The following NDUFAF2 variants were observed in gnomAD, a reference collection of about 807,000 sequenced individuals.
NDUFAF2 encodes the protein NADH:ubiquinone oxidoreductase complex assembly factor 2, also known as NADH dehydrogenase [ubiquinone] 1 alpha subcomplex assembly factor 2.
NDUFAF2 carries 13 observed loss-of-function variants against 22.8 expected under a neutral mutation model. That is an observed-to-expected ratio of 0.57 (90% CI 0.37 to 0.91). NDUFAF2 has a LOEUF of 0.91. NDUFAF2 is among the 40% of genes least tolerant of loss of function. The probability of loss-of-function intolerance (pLI) is 0.01; values close to 1 mark genes in which losing one functional copy is unlikely to be tolerated. For missense variants in NDUFAF2, 162 were observed against 195.2 expected, an observed-to-expected ratio of 0.83 and a Z score of 1.01; for synonymous variants, 53 against 64.2, an observed-to-expected ratio of 0.83 and a Z score of 0.84.
chr5:61,022,101 A>G (rs1039140291), intron 1 of NDUFAF2, among the ~76,000 whole-genome samples: 1 of 152,194 alleles, frequency 6.6e-6, no homozygotes, highest in Admixed American at 6.5e-5. Context: ...TAAAATGTCA[A>G]CCTCATCTAG....
intron 1 of NDUFAF2, among the ~76,000 whole-genome samples, chr5:61,041,392 T>C (rs1751880574): frequency 6.6e-6 from 1 of 152,170 alleles, no homozygotes; most frequent in Non-Finnish European, 1.5e-5. Context: ...CTATTTGAGG[T>C]GGTTGTAGGT....
At chr5:61,034,386 C>T (rs1171141896) in intron 1 of NDUFAF2, among the ~76,000 whole-genome samples, 1 of 152,096 alleles carries the variant, frequency 6.6e-6, no homozygotes, top group Non-Finnish European at 1.5e-5. Context: ...TAGCCTGTTG[C>T]CCCTGTACAA....
intron 1 of NDUFAF2, among the ~76,000 whole-genome samples, chr5:60,967,709 A>T (rs1418995763): frequency 6.6e-6 from 1 of 151,812 alleles, no homozygotes; most frequent in Non-Finnish European, 1.5e-5. Flanking sequence ...ATCATGGTGA[A>T]TGATCTTTTT....
chr5:60,964,335 A>G (rs1287860773), intron 1 of NDUFAF2, among the ~76,000 whole-genome samples: 1 of 152,062 alleles, frequency 6.6e-6, no homozygotes, highest in Non-Finnish European at 1.5e-5. Context: ...ATGTTTTGAT[A>G]TATGTATATA....
chr5:61,043,057 T>C, intron 1 of NDUFAF2, among the ~76,000 whole-genome samples: 1 of 152,096 alleles, frequency 6.6e-6, no homozygotes. Flanking sequence ...CCGTCTCTAC[T>C]AACAATACAA....
At chr5:61,035,435 T>TG (rs1561547156) in intron 1 of NDUFAF2, among the ~76,000 whole-genome samples, 5 of 146,490 alleles carry the variant, frequency 3.4e-5, no homozygotes, top group Admixed American at 2.0e-4. Context: ...TTTTTTTTTT[T>TG]TTTTTTTTTT....
At chr5:61,053,899 ATAG>A (rs1334724375) in intron 1 of NDUFAF2, among the ~76,000 whole-genome samples, 1 of 152,238 alleles carries the variant, frequency 6.6e-6, no homozygotes, top group Non-Finnish European at 1.5e-5. Context: ...AGGGAGGGAA[ATAG>A]TAGAAAAAAC....
chr5:61,152,305 G>T (rs973664808), intron 3 of NDUFAF2, among the ~76,000 whole-genome samples: 1 of 151,956 alleles, frequency 6.6e-6, no homozygotes, highest in Non-Finnish European at 1.5e-5. Flanking sequence ...AAAAAAAAAG[G>T]GTAGTCAGAG....
At chr5:61,089,993 G>C (rs927327372) in intron 2 of NDUFAF2, among the ~76,000 whole-genome samples, 1 of 151,198 alleles carries the variant, frequency 6.6e-6, no homozygotes, top group African/African-American at 2.4e-5. Flanking sequence ...ATTTAGAGTT[G>C]TTTTTCTCAT....
chr5:61,109,057 T>A (rs1752803566), intron 3 of NDUFAF2, among the ~76,000 whole-genome samples: 1 of 152,180 alleles, frequency 6.6e-6, no homozygotes. Context: ...ATATGGACGT[T>A]TTTAACAATA....
At chr5:60,947,355 A>G (rs1378738881) in intron 1 of NDUFAF2, among the ~76,000 whole-genome samples, 1 of 152,094 alleles carries the variant, frequency 6.6e-6, no homozygotes, top group African/African-American at 2.4e-5. Flanking sequence ...GTGGTATCTC[A>G]TTGTGATTTT....
intron 1 of NDUFAF2, among the ~76,000 whole-genome samples, chr5:60,984,453 A>G (rs1751038837): frequency 6.6e-6 from 1 of 152,084 alleles, no homozygotes; most frequent in Non-Finnish European, 1.5e-5. Flanking sequence ...GAGTGGTGAG[A>G]GAGGGCATCC....
chr5:61,069,250 A>G (rs992005654), intron 1 of NDUFAF2, among the ~76,000 whole-genome samples: 5 of 152,042 alleles, frequency 3.3e-5, no homozygotes, highest in Admixed American at 2.6e-4. Flanking sequence ...AATCCAAGCA[A>G]GACTTTGATA....
At chr5:61,035,106 GC>G (rs1751781333) in intron 1 of NDUFAF2, among the ~76,000 whole-genome samples, 1 of 149,442 alleles carries the variant, frequency 6.7e-6, no homozygotes, top group African/African-American at 2.5e-5. Flanking sequence ...TCACTCTGTC[GC>G]CCAGGCTGGA....
chr5:61,026,443 T>C (rs1052100711), intron 1 of NDUFAF2, among the ~76,000 whole-genome samples: 2 of 152,118 alleles, frequency 1.3e-5, no homozygotes, highest in African/African-American at 4.8e-5. Context: ...TGTTTAGTCA[T>C]TTGTAGAAAA....
chr5:61,018,559 A>G (rs1042528647), intron 1 of NDUFAF2, among the ~76,000 whole-genome samples: 1 of 152,186 alleles, frequency 6.6e-6, no homozygotes, highest in African/African-American at 2.4e-5. Flanking sequence ...TAATTAACAA[A>G]TTAGAATTTA....
At chr5:61,012,199 C>T (rs1751451108) in intron 1 of NDUFAF2, among the ~76,000 whole-genome samples, 1 of 152,070 alleles carries the variant, frequency 6.6e-6, no homozygotes, top group African/African-American at 2.4e-5. Flanking sequence ...TCACCCATCC[C>T]TCTGGCTTCA....
chr5:61,040,935 A>C (rs555909557), intron 1 of NDUFAF2, among the ~76,000 whole-genome samples: 19 of 152,194 alleles, frequency 1.2e-4, no homozygotes, highest in Non-Finnish European at 2.4e-4. Context: ...AAGTAAATGA[A>C]ATCCCTAAGG....
rs533122069 is a variant in NDUFAF2, at chr5:61,085,693, A to G, written c.217+12479A>G. 5.3e-5 allele frequency among the ~76,000 whole-genome samples: 8 copies of G among 152,348 alleles called. No individual in the cohort carries two copies. In the East Asian group the frequency reaches 1.5e-3, roughly 29 times the overall value. On this transcript the variant is annotated intron_variant, in intron 2 of 3. Transcript: ENST00000296597. Reference sequence around the variant, plus strand: ...TACAGGGGAATATAAAATCAATTATATGTCTACATAATAATACCAAACAAT... The same window carrying G: ...TACAGGGGAATATAAAATCAATTATGTGTCTACATAATAATACCAAACAAT...
Sources: gnomAD v4.1 joint callset for allele counts (sites outside exome capture counted in the v4.1 genomes callset) on GRCh38, gnomAD v4.1.1 for gene constraint, MANE v1.5 for transcripts, NCBI Gene and HGNC (gene_info 2026-07-23, HGNC 2026-07-21) for gene names.